Variants in SLC35E3 observed in about 807,000 individuals in gnomAD.
The protein encoded by SLC35E3 is bladder cancer-overexpressed gene 1 protein.
In SLC35E3, 28 loss-of-function variants were observed where a neutral mutation model predicts 30.8. The observed-to-expected ratio is 0.91, with a 90% CI of 0.67 to 1.25. The LOEUF is 1.25. Among genes scored for constraint, SLC35E3 ranks in the 50% most tolerant of loss-of-function variants. The probability of loss-of-function intolerance (pLI) is 0.00; values close to 1 mark genes in which losing one functional copy is unlikely to be tolerated. For missense variants in SLC35E3, 365 were observed against 375.4 expected (o/e 0.97, Z 0.23); for synonymous variants, 146 against 149.2 (o/e 0.98, Z 0.16).
At chr12:68,754,040 T>A (rs1878911674) in intron 3 of SLC35E3, among the ~76,000 whole-genome samples, 2 of 151,852 alleles carry the variant, frequency 1.3e-5, no homozygotes, top group African/African-American at 4.8e-5. Flanking sequence ...AGAGATGGGG[T>A]TTCACCATCT....
Position 68,765,054 on chromosome 12 carries a change from C to T in SLC35E3, c.*164C>T, listed in dbSNP as rs528844054. On this transcript the variant is annotated 3_prime_UTR_variant, in exon 5 of 5. Coordinates refer to ENST00000398004, the MANE Select transcript of SLC35E3 (RefSeq NM_018656.5). ...AGCGGATCACTTGAGGTCAGGAGTTCGAGACCAGCCTGACCAACATGGAGA... is the reference window on the plus strand; with the variant it reads ...AGCGGATCACTTGAGGTCAGGAGTTTGAGACCAGCCTGACCAACATGGAGA... 4.3e-5 allele frequency: 23 copies of T among 534,306 alleles called. No homozygotes were observed. The highest frequency in any genetic ancestry group is 2.7e-4 in the African/African-American group (14 of 52,146). The allele number at this position is 534,306 out of a possible 1,614,324, so 33.1% of individuals were successfully genotyped here.
At position 68,773,792 on chromosome 12, in the gene SLC35E3, T is replaced by C. The variant is rs912058232; in HGVS notation, c.*8902T>C. The C allele has an allele frequency of 2.0e-5, 3 of 152,306 alleles. No individual in the cohort carries two copies. The highest frequency in any genetic ancestry group is 4.1e-4 in the South Asian group (2 of 4,830). 9.4% of individuals were successfully genotyped at this position (152,306 alleles called of 1,614,324 possible). Reference sequence around the variant, plus strand: ...ATATTTGTTAGGATCAGCATTTTTATATGATTTAACACAAAATGTTACAGA... The same window carrying C: ...ATATTTGTTAGGATCAGCATTTTTACATGATTTAACACAAAATGTTACAGA... On this transcript the variant is annotated 3_prime_UTR_variant, in exon 5 of 5. Transcript: ENST00000398004.
At chr12:68,750,562 T>C (rs1878751169) in intron 2 of SLC35E3, among the ~76,000 whole-genome samples, 1 of 152,122 alleles carries the variant, frequency 6.6e-6, no homozygotes. Flanking sequence ...TAGGAGAGCA[T>C]TAGAGGGGTG....
At chr12:68,748,081 T>C in intron 2 of SLC35E3, 41 bp downstream of exon 2, 2 of 1,128,030 alleles carry the variant, frequency 1.8e-6, no homozygotes, top group Non-Finnish European at 1.3e-6. Context: ...TTTAGCAGAT[T>C]TCATAAATTT....
intron 2 of SLC35E3, among the ~76,000 whole-genome samples, chr12:68,749,682 A>G (rs770315728): frequency 6.6e-6 from 1 of 152,180 alleles, no homozygotes; most frequent in Non-Finnish European, 1.5e-5. Context: ...AAAAGTTAAC[A>G]ATTTAAATTG....
At position 68,780,805 on chromosome 12, in the gene SLC35E3, A is replaced by G. The variant is rs1879866635; in HGVS notation, c.*15915A>G. ...CAGCTAGTCACGCTTTTTAGTCAAG[A>G]TTTTTAAAAATGTCTGCATGCTTTT... On this transcript the variant is annotated 3_prime_UTR_variant, in exon 5 of 5. Coordinates refer to ENST00000398004, the MANE Select transcript of SLC35E3 (RefSeq NM_018656.5). 6.6e-6 allele frequency: 1 copy of G among 152,126 alleles called. No individual in the cohort carries two copies. The highest frequency in any genetic ancestry group is 2.1e-4 in the South Asian group (1 of 4,824). The allele number at this position is 152,126 out of a possible 1,614,324, so 9.4% of individuals were successfully genotyped here.
chr12:68,746,985 G>A (rs1878608361), intron 1 of SLC35E3, among the ~76,000 whole-genome samples: 1 of 152,240 alleles, frequency 6.6e-6, no homozygotes, highest in Non-Finnish European at 1.5e-5. Context: ...GTGAATTTTA[G>A]TAGCTGCCAT....
intron 4 of SLC35E3, chr12:68,760,128 C>G (rs917730027): frequency 6.6e-6 from 1 of 151,852 alleles, no homozygotes; most frequent in Non-Finnish European, 1.5e-5. Flanking sequence ...TCGCTTGAGC[C>G]CAAGAGTTCG....
At position 68,764,734 on chromosome 12, in the gene SLC35E3, C is replaced by T; in HGVS notation, c.786C>T (p.Cys262=). The T allele has an allele frequency of 6.2e-7, 1 of 1,614,042 alleles. No homozygotes were observed. The highest frequency in any genetic ancestry group is 2.2e-5 in the East Asian group (1 of 44,866). ...TYNMFGHFKF[C]ITLFGGYVLF... is the part of the protein sequence containing the mutation. ...ACATGTTCGGACACTTCAAGTTCTGCATTACTTTATTCGGAGGATATGTTT... is the reference window on the plus strand; with the variant it reads ...ACATGTTCGGACACTTCAAGTTCTGTATTACTTTATTCGGAGGATATGTTT... The change falls in exon 5 of 5, where the codon TGC becomes TGT. Residue 262 remains cysteine, a synonymous_variant. Transcript: ENST00000398004.
At chr12:68,764,445 C>A (rs547081748) in intron 4 of SLC35E3, among the ~76,000 whole-genome samples, 2 of 152,274 alleles carry the variant, frequency 1.3e-5, no homozygotes, top group South Asian at 4.1e-4. Context: ...TGTGCCACCA[C>A]GCCCAGCTAA....
chr12:68,747,266 C>CT (rs201303961), intron 1 of SLC35E3, among the ~76,000 whole-genome samples: 36,198 of 143,728 alleles, frequency 0.25, 4,957 homozygotes, highest in South Asian at 0.51. Context: ...AGGTCTTTTT[C>CT]TTTTTTTTTT....
Position 68,746,205 on chromosome 12 carries a change from GGT to G in SLC35E3, c.-166_-165del. 1.9e-6 allele frequency: 1 copy of G among 537,784 alleles called. No individual in the cohort carries two copies. The highest frequency in any genetic ancestry group is 3.2e-5 in the South Asian group (1 of 31,536). The allele number at this position is 537,784 out of a possible 1,614,324, so 33.3% of individuals were successfully genotyped here. ...TAGCTGGCTTACAGGGCGGCGGCGG[GGT>G]GTGTGTCCTCTGTTAAGAGTGCTAC... On this transcript the variant is annotated 5_prime_UTR_variant, in exon 1 of 5. Coordinates refer to ENST00000398004, the MANE Select transcript of SLC35E3 (RefSeq NM_018656.5).
intron 3 of SLC35E3, among the ~76,000 whole-genome samples, chr12:68,758,071 G>A (rs1328494389): frequency 6.7e-5 from 10 of 148,874 alleles, no homozygotes; most frequent in African/African-American, 9.9e-5. Context: ...TAGACTAGGC[G>A]ACAGAATGAG....
chr12:68,761,446 A>G (rs1879230311), intron 4 of SLC35E3, among the ~76,000 whole-genome samples: 1 of 152,192 alleles, frequency 6.6e-6, no homozygotes, highest in African/African-American at 2.4e-5. Context: ...TTGAGAATAG[A>G]CTTAAGAAGG....
At chr12:68,764,628 T>C (rs998211193) in intron 4 of SLC35E3, 76 bp from the exon 5 acceptor site, 30 of 1,424,450 alleles carry the variant, frequency 2.1e-5, no homozygotes, top group Non-Finnish European at 2.8e-5. Context: ...TTGGGTTGTT[T>C]TATGCAGTGC....
rs546648716 is a variant in SLC35E3 at position 68,773,526 on chromosome 12, C to T, written c.*8636C>T. 6.6e-6 allele frequency: 1 copy of T among 152,368 alleles called. No individual in the cohort carries two copies. The highest frequency in any genetic ancestry group is 6.5e-5 in the Admixed American group (1 of 15,272). The allele number at this position is 152,368 out of a possible 1,614,324, so 9.4% of individuals were successfully genotyped here. On this transcript the variant is annotated 3_prime_UTR_variant, in exon 5 of 5. Transcript: ENST00000398004. ...GGCTCAAGTGATCCTCCCACCTCAG[C>T]CTCCTGAGTAGCTGGGACTACAGGT... is the stretch of plus-strand genomic sequence containing the variant.
intron 1 of SLC35E3, among the ~76,000 whole-genome samples, 176 bp downstream of exon 1, chr12:68,746,955 G>A (rs781155291): frequency 2.6e-5 from 4 of 152,232 alleles, no homozygotes; most frequent in Non-Finnish European, 5.9e-5. Flanking sequence ...CATCTTGTCA[G>A]CCCAGAAGAG....
rs1878829049 is a variant in SLC35E3 at position 68,752,179 on chromosome 12, GT to G, written c.664del (p.Ser222LeufsTer11). On this transcript the variant is annotated frameshift_variant, in exon 3 of 5. Coordinates refer to ENST00000398004, the MANE Select transcript of SLC35E3 (RefSeq NM_018656.5). LOFTEE classifies it high-confidence loss of function. ...AGGAGGAATATTTGGTCCCTGGTCA[GT>G]TTCTGCTTTGGTAAGTTCTAATTGT... is the stretch of plus-strand genomic sequence containing the variant. ...GEGGIFGPWS[V>X]SALLMVLLSG... is the part of the protein sequence containing the mutation. 1.1e-5 allele frequency: 17 copies of G among 1,608,406 alleles called. No homozygotes were observed. The highest frequency in any genetic ancestry group is 1.3e-5 in the Non-Finnish European group (15 of 1,178,428).
In SLC35E3 at chr12:68,779,579, G is replaced by T. The variant is rs1879831175; in HGVS notation, c.*14689G>T. On this transcript the variant is annotated 3_prime_UTR_variant, in exon 5 of 5. Transcript: ENST00000398004. ...GAAGGAAAAAAAGCTTAACAAGGGGGAATTGAGGAAGCCATTTGCAAAACT... is the reference window on the plus strand; with the variant it reads ...GAAGGAAAAAAAGCTTAACAAGGGGTAATTGAGGAAGCCATTTGCAAAACT... 6.6e-6 allele frequency: 1 copy of T among 152,156 alleles called. No individual in the cohort carries two copies. Among genetic ancestry groups the T allele is most frequent in the Non-Finnish European group, 1.5e-5 (1 of 68,054 alleles). 9.4% of individuals were successfully genotyped at this position (152,156 alleles called of 1,614,324 possible). A position where few individuals can be genotyped will look rare whatever the true frequency, so the allele number is the denominator to read the frequency against.
Sources: gnomAD v4.1 joint callset for allele counts (sites outside exome capture counted in the v4.1 genomes callset) on GRCh38, gnomAD v4.1.1 for gene constraint, MANE v1.5 for transcripts, NCBI Gene and HGNC (gene_info 2026-07-23, HGNC 2026-07-21) for gene names.